Variants in PRKN observed in about 807,000 individuals in gnomAD.
PRKN encodes the protein E3 ubiquitin-protein ligase parkin.
PRKN carries 56 observed loss-of-function variants against 59.5 expected under a neutral mutation model. That is an observed-to-expected ratio of 0.94 (90% confidence interval 0.76 to 1.18). PRKN has a LOEUF of 1.18. Among genes scored for constraint, PRKN ranks in the 50% most tolerant of loss-of-function variants. The pLI is 0.00. For synonymous variants in PRKN, 250 were observed against 222.1 expected (o/e 1.13, Z -1.12); for missense variants, 657 against 596.4 (o/e 1.10, Z -1.06).
At chr6:162,223,611 T>TCA (rs1562592963) in intron 3 of PRKN, among the ~76,000 whole-genome samples, 1 of 126,514 alleles carries the variant, frequency 7.9e-6, no homozygotes, top group Non-Finnish European at 1.6e-5. Context: ...AATAGACACG[T>TCA]GACACACACA....
At chr6:162,151,684 C>T (rs1331813304) in intron 4 of PRKN, among the ~76,000 whole-genome samples, 1 of 152,126 alleles carries the variant, frequency 6.6e-6, no homozygotes, top group African/African-American at 2.4e-5. Flanking sequence ...TGGACCATAA[C>T]CAATGAACAC....
At chr6:162,381,106 T>C (rs1028334317) in intron 2 of PRKN, among the ~76,000 whole-genome samples, 2 of 152,132 alleles carry the variant, frequency 1.3e-5, no homozygotes, top group Admixed American at 6.5e-5. Context: ...GCATCTTTGA[T>C]TCCCCACCTT....
intron 1 of PRKN, among the ~76,000 whole-genome samples, chr6:162,680,245 G>C (rs562939799): frequency 6.6e-6 from 1 of 150,732 alleles, no homozygotes; most frequent in East Asian, 1.9e-4. Context: ...ATGTATGTGT[G>C]TATATACAGA....
intron 4 of PRKN, among the ~76,000 whole-genome samples, chr6:162,066,896 CTTCTT>C (rs983111836): frequency 2.0e-5 from 3 of 152,176 alleles, no homozygotes; most frequent in African/African-American, 7.2e-5. Flanking sequence ...TGTCTCCTCT[CTTCTT>C]TTATGGTAAC....
rs1787213175 is a variant in PRKN, at chr6:161,405,269, T to A, written c.1084-18392A>T. 6.6e-6 allele frequency among the ~76,000 whole-genome samples: 1 copy of A among 152,156 alleles called. No homozygotes were observed. The highest frequency in any genetic ancestry group is 1.5e-5 in the Non-Finnish European group (1 of 68,034). On this transcript the variant is annotated intron_variant, in intron 9 of 11. Coordinates refer to ENST00000366898, the MANE Select transcript of PRKN (RefSeq NM_004562.3). This position sits in a 1 kb window ranked among gnomAD's most constrained non-coding sequence, Gnocchi z 5.1. ...CATCCTGTGTTCATGCCCCTCTTTT[T>A]CAAAATTGCTGTTTAAAAGTGGGTC...
chr6:162,325,494 T>G (rs572664495), intron 2 of PRKN, among the ~76,000 whole-genome samples: 1 of 152,132 alleles, frequency 6.6e-6, no homozygotes, highest in Admixed American at 6.6e-5. Context: ...GACATCTCTT[T>G]TCTATGTTCC....
chr6:162,363,650 C>T (rs146660236), intron 2 of PRKN, among the ~76,000 whole-genome samples: 1 of 152,104 alleles, frequency 6.6e-6, no homozygotes, highest in African/African-American at 2.4e-5. Context: ...TTAACAAAAA[C>T]CTTTTAAAAA....
rs1414885691 is a variant in PRKN, at chr6:161,527,814, C to T, written c.1083+21040G>A. On this transcript the variant is annotated intron_variant, in intron 9 of 11. Transcript: ENST00000366898. This position sits in a 1 kb window ranked among gnomAD's most constrained non-coding sequence, Gnocchi z 4.6. ...TGGAGTCTCTTTTCTGACAGTGCCA[C>T]TGAATCAGCTGTCTGAAGAACCCTT... Among the ~76,000 whole-genome samples the T allele has an allele frequency of 6.6e-6, 1 of 152,218 alleles. No individual in the cohort carries two copies. Among genetic ancestry groups the T allele is most frequent in the Admixed American group, 6.5e-5 (1 of 15,282 alleles).
At chr6:161,692,460 C>G (rs1313836833) in intron 7 of PRKN, among the ~76,000 whole-genome samples, 1 of 152,310 alleles carries the variant, frequency 6.6e-6, no homozygotes, top group South Asian at 2.1e-4. Flanking sequence ...TCAAAGACAA[C>G]AAGTAGGCAG....
chr6:162,110,506 G>A (rs1780383832), intron 4 of PRKN, among the ~76,000 whole-genome samples: 1 of 152,128 alleles, frequency 6.6e-6, no homozygotes, highest in Non-Finnish European at 1.5e-5. Flanking sequence ...AATGCTAAAT[G>A]GCAAATGTAA....
intron 6 of PRKN, among the ~76,000 whole-genome samples, chr6:161,873,038 A>G (rs1441595891): frequency 6.6e-6 from 1 of 151,368 alleles, no homozygotes. Context: ...GCTGATAATA[A>G]GGGAGGGAGC....
chr6:161,494,783 G>T (rs531831371), intron 9 of PRKN, among the ~76,000 whole-genome samples: 1 of 152,290 alleles, frequency 6.6e-6, no homozygotes, highest in East Asian at 1.9e-4. Context: ...GCTGGCTGAG[G>T]TGCATCTGAT....
At chr6:162,356,486 A>T (rs923889702) in intron 2 of PRKN, among the ~76,000 whole-genome samples, 14 of 152,098 alleles carry the variant, frequency 9.2e-5, no homozygotes, top group African/African-American at 3.4e-4. Context: ...TGGGCCCCAG[A>T]CTACCATAGT....
chr6:161,902,338 C>T (rs1053506550), intron 6 of PRKN, among the ~76,000 whole-genome samples: 4 of 152,050 alleles, frequency 2.6e-5, no homozygotes, highest in African/African-American at 4.8e-5. Flanking sequence ...GATTAAATCA[C>T]GAGAGAAGAC....
At chr6:161,719,156 T>C (rs1164277606) in intron 7 of PRKN, among the ~76,000 whole-genome samples, 1 of 151,618 alleles carries the variant, frequency 6.6e-6, no homozygotes, top group Non-Finnish European at 1.5e-5. Context: ...AGGGTACGGA[T>C]TGCCAACATT....
At chr6:162,660,170 A>G (rs1778824398) in intron 1 of PRKN, among the ~76,000 whole-genome samples, 1 of 152,224 alleles carries the variant, frequency 6.6e-6, no homozygotes, top group Non-Finnish European at 1.5e-5. Flanking sequence ...AATGTATAGT[A>G]TAATCATTTT....
At chr6:161,411,525 A>G (rs995050959) in intron 9 of PRKN, among the ~76,000 whole-genome samples, 2 of 152,188 alleles carry the variant, frequency 1.3e-5, no homozygotes, top group African/African-American at 4.8e-5. Context: ...ATACAGTCAG[A>G]GAGTCTGGGG....
chr6:161,822,891 T>G (rs1338016243), intron 6 of PRKN, among the ~76,000 whole-genome samples: 7 of 152,214 alleles, frequency 4.6e-5, no homozygotes, highest in Non-Finnish European at 1.0e-4. Flanking sequence ...ATTTTTTAAT[T>G]GGCTTGTTTA....
rs575545929 is a variant in PRKN at position 162,432,201 on chromosome 6, A to G, written c.171+11109T>C. ...ACTCACCAGCTATATACAATATTAT[A>G]TGACATAAGCAATATTAAAGATTGG... On this transcript the variant is annotated intron_variant, in intron 2 of 11. Coordinates refer to ENST00000366898, the MANE Select transcript of PRKN (RefSeq NM_004562.3). Among the ~76,000 whole-genome samples, 19 of 152,294 alleles carry G rather than the reference A, an allele frequency of 1.2e-4. No homozygotes were observed. In the South Asian group the frequency reaches 3.7e-3, roughly 30 times the overall value.
Sources: allele counts gnomAD v4.1 joint callset (sites outside exome capture counted in the v4.1 genomes callset), GRCh38; gene constraint gnomAD v4.1.1; non-coding constraint Gnocchi (gnomAD v3.1); transcripts MANE v1.5; gene names NCBI Gene and HGNC (gene_info 2026-07-23, HGNC 2026-07-21).